ADAMTSL1: variants seen among roughly 807,000 people sequenced by gnomAD.
The protein encoded by ADAMTSL1 is ADAMTS-like protein 1.
ADAMTSL1 carries 126 observed loss-of-function variants against 201.8 expected under a neutral mutation model. That is an observed-to-expected ratio of 0.62 (90% confidence interval 0.54 to 0.72). The LOEUF is 0.72. ADAMTSL1 is among the 30% of genes least tolerant of loss of function. The probability of loss-of-function intolerance (pLI) is 0.00; values close to 1 mark genes in which losing one functional copy is unlikely to be tolerated. For synonymous variants in ADAMTSL1, 1,121 were observed against 903.4 expected (o/e 1.24, Z -4.32); for missense variants, 2,679 against 2,277.8 (o/e 1.18, Z -3.59).
intron 2 of ADAMTSL1, among the ~76,000 whole-genome samples, chr9:18,314,108 G>C (rs926445233): frequency 2.0e-5 from 3 of 152,100 alleles, no homozygotes; most frequent in Non-Finnish European, 4.4e-5. Context: ...CAGTAGGGAA[G>C]TGCAAATCAA....
intron 13 of ADAMTSL1, among the ~76,000 whole-genome samples, chr9:18,691,535 A>AT (rs1831214791): frequency 6.6e-6 from 1 of 152,140 alleles, no homozygotes; most frequent in Non-Finnish European, 1.5e-5. Flanking sequence ...CCTAAAATTG[A>AT]TTTTTTTCAG....
At chr9:18,254,737 A>C (rs1384442028) in intron 2 of ADAMTSL1, among the ~76,000 whole-genome samples, 1 of 145,966 alleles carries the variant, frequency 6.9e-6, no homozygotes, top group East Asian at 2.1e-4. Flanking sequence ...TTGTGAGTGG[A>C]GCATTTTACA....
intron 15 of ADAMTSL1, chr9:18,723,043 G>A (rs1184096605): frequency 1.7e-5 from 13 of 779,860 alleles, no homozygotes; most frequent in Admixed American, 3.4e-5. Context: ...AGCATGGAAC[G>A]CCTGCAACGT....
chr9:18,599,846 T>A (rs974417434), intron 4 of ADAMTSL1, among the ~76,000 whole-genome samples: 1 of 151,228 alleles, frequency 6.6e-6, no homozygotes, highest in African/African-American at 2.4e-5. Context: ...CAAAACAGAT[T>A]TTTAATCCTT....
chr9:18,494,215 G>A (rs1453505094), intron 1 of ADAMTSL1, among the ~76,000 whole-genome samples: 1 of 152,072 alleles, frequency 6.6e-6, no homozygotes, highest in Non-Finnish European at 1.5e-5. Context: ...AATTACCCGG[G>A]CATGGTGGCG....
At chr9:18,040,998 G>C (rs1176937131) in intron 1 of ADAMTSL1, among the ~76,000 whole-genome samples, 1 of 152,120 alleles carries the variant, frequency 6.6e-6, no homozygotes, top group African/African-American at 2.4e-5. Context: ...TAATTAGTAG[G>C]AATTATGTAT....
chr9:18,197,488 G>A (rs887453273), intron 2 of ADAMTSL1, among the ~76,000 whole-genome samples: 1 of 71,326 alleles, frequency 1.4e-5, no homozygotes, highest in African/African-American at 5.1e-5. Flanking sequence ...TTTGTGTGTT[G>A]TTGGTGTATA....
intron 2 of ADAMTSL1, among the ~76,000 whole-genome samples, chr9:18,307,663 C>T (rs2132767161): frequency 6.6e-6 from 1 of 152,234 alleles, no homozygotes; most frequent in Admixed American, 6.5e-5. Context: ...AATATATATG[C>T]ACCCAATACA....
intron 1 of ADAMTSL1, among the ~76,000 whole-genome samples, chr9:18,112,483 TG>T (rs1825066991): frequency 1.3e-5 from 2 of 151,132 alleles, no homozygotes; most frequent in Non-Finnish European, 2.9e-5. Context: ...CCCATTTTTT[TG>T]GGTTTTTTTT....
chr9:18,421,120 C>T (rs1175022522), intron 2 of ADAMTSL1, among the ~76,000 whole-genome samples: 1 of 152,188 alleles, frequency 6.6e-6, no homozygotes, highest in African/African-American at 2.4e-5. Flanking sequence ...AGAGGTCCCA[C>T]ATCACTGGAA....
chr9:18,634,480 T>C (rs1048916079), intron 5 of ADAMTSL1, among the ~76,000 whole-genome samples: 6 of 152,038 alleles, frequency 3.9e-5, no homozygotes, highest in African/African-American at 1.4e-4. Context: ...GGAGGATCTC[T>C]TGAGCCCGGG....
At chr9:18,474,041 C>T (rs535845515), upstream of ADAMTSL1, 57 of 541,280 alleles carry the variant, frequency 1.1e-4, no homozygotes, top group Admixed American at 6.0e-4. Context: ...CTGCCTGCTC[C>T]GAGAGAGATT....
chr9:18,583,299 C>T (rs1311088418), intron 4 of ADAMTSL1, among the ~76,000 whole-genome samples: 1 of 152,156 alleles, frequency 6.6e-6, no homozygotes, highest in African/African-American at 2.4e-5. Flanking sequence ...AGGTAGGGCT[C>T]GGGCCGTAGC....
At chr9:18,845,354 C>T (rs1826036973) in intron 23 of ADAMTSL1, among the ~76,000 whole-genome samples, 2 of 152,230 alleles carry the variant, frequency 1.3e-5, no homozygotes, top group South Asian at 2.1e-4. Context: ...GGCAGTCATT[C>T]CAACCTGAGT....
At chr9:17,941,290 T>C (rs1005177733) in intron 1 of ADAMTSL1, among the ~76,000 whole-genome samples, 1 of 152,092 alleles carries the variant, frequency 6.6e-6, no homozygotes. Context: ...ATTTACCCAA[T>C]GAGATAAATT....
chr9:18,376,145 A>C (rs890543917), intron 2 of ADAMTSL1, among the ~76,000 whole-genome samples: 7 of 152,248 alleles, frequency 4.6e-5, no homozygotes, highest in African/African-American at 1.4e-4. Flanking sequence ...CCATGCAGTA[A>C]ATAATACATT....
intron 1 of ADAMTSL1, among the ~76,000 whole-genome samples, chr9:18,061,553 C>A (rs1822455944): frequency 6.6e-6 from 1 of 152,178 alleles, no homozygotes; most frequent in African/African-American, 2.4e-5. Flanking sequence ...CATTTCCTTA[C>A]ATGTGGACTG....
In ADAMTSL1 at chr9:18,806,915, T is replaced by C. The variant is rs573489464; in HGVS notation, c.3806-10194T>C. 3.3e-5 allele frequency among the ~76,000 whole-genome samples: 5 copies of C among 151,914 alleles called. No homozygotes were observed. The South Asian group carries it at 1.0e-3, about 32-fold the overall frequency. On this transcript the variant is annotated intron_variant, in intron 20 of 28. Coordinates refer to ENST00000380548, the MANE Select transcript of ADAMTSL1 (RefSeq NM_001040272.6). ...TGCTGACGTACGAGTTTTAGCCATA[T>C]GTCAGGCTCTCCTGTTGTGTAAGAG...
intron 2 of ADAMTSL1, among the ~76,000 whole-genome samples, chr9:18,424,950 A>G (rs1331110320): frequency 6.6e-6 from 1 of 152,232 alleles, no homozygotes; most frequent in Non-Finnish European, 1.5e-5. Flanking sequence ...ATCCACCCAG[A>G]AAGTGTTTGA....
Sources: gnomAD v4.1 joint callset for allele counts (sites outside exome capture counted in the v4.1 genomes callset) on GRCh38, gnomAD v4.1.1 for gene constraint, MANE v1.5 for transcripts, NCBI Gene and HGNC (gene_info 2026-07-23, HGNC 2026-07-21) for gene names.